The following TRABD2A variants were observed in gnomAD, a reference collection of about 807,000 sequenced individuals.
TRABD2A encodes the protein TraB domain containing 2A.
Under a neutral mutation model 45.6 loss-of-function variants are expected in TRABD2A, and 43 were observed. The ratio of observed to expected loss-of-function variants is 0.94; its 90% CI spans 0.74 to 1.22. The LOEUF is 1.22. Ranked by LOEUF, TRABD2A falls within the 50% of genes most tolerant of loss-of-function variation. TRABD2A has a pLI of 0.00. For missense variants in TRABD2A, 642 were observed against 652.4 expected, an observed-to-expected ratio of 0.98 and a Z score of 0.17; for synonymous variants, 269 against 265.0, an observed-to-expected ratio of 1.02 and a Z score of -0.15.
intron 5 of TRABD2A, among the ~76,000 whole-genome samples, chr2:84,825,876 GGTTGCA>G (rs1253620526): frequency 2.0e-5 from 3 of 152,104 alleles, no homozygotes; most frequent in African/African-American, 7.2e-5. Flanking sequence ...CAGGGATCTC[GGTTGCA>G]CACTCCTTAT....
At chr2:84,866,109 C>T (rs183821647) in intron 2 of TRABD2A, among the ~76,000 whole-genome samples, 1 of 152,320 alleles carries the variant, frequency 6.6e-6, no homozygotes, top group African/African-American at 2.4e-5. Flanking sequence ...CTACACCCCA[C>T]AAACCAAGAG....
chr2:84,864,465 C>A (rs1241063262), intron 2 of TRABD2A, among the ~76,000 whole-genome samples: 5 of 152,180 alleles, frequency 3.3e-5, no homozygotes, highest in African/African-American at 4.8e-5. Context: ...CCTTTTGAAC[C>A]TAGTGCCATC....
In TRABD2A at chr2:84,830,097, G is replaced by A. The variant is rs2105373053; in HGVS notation, c.1082+1958C>T. On this transcript the variant is annotated intron_variant, in intron 5 of 6. Coordinates refer to ENST00000409520, the MANE Select transcript of TRABD2A (RefSeq NM_001277053.2). The surrounding 1 kb of genome is among the most constrained non-coding windows in gnomAD (Gnocchi z 4.9). Reference sequence around the variant, plus strand: ...CTAAGGACAGTGCGTTGAACCCCAGGCCAGTCAGCCCAGCGGGAAGAGCTG... The same window carrying A: ...CTAAGGACAGTGCGTTGAACCCCAGACCAGTCAGCCCAGCGGGAAGAGCTG... 2.0e-5 allele frequency among the ~76,000 whole-genome samples: 3 copies of A among 152,228 alleles called. 1 individual carries two copies. Among genetic ancestry groups the A allele is most frequent in the Middle Eastern group, 3.4e-3 (1 of 294 alleles).
intron 4 of TRABD2A, among the ~76,000 whole-genome samples, chr2:84,838,481 C>T (rs113965551): frequency 2.0e-5 from 3 of 152,238 alleles, no homozygotes; most frequent in African/African-American, 7.2e-5. Flanking sequence ...TCTCTCCAAC[C>T]CCCTATCTTA....
intron 6 of TRABD2A, among the ~76,000 whole-genome samples, chr2:84,823,640 T>C (rs1195767745): frequency 6.6e-6 from 1 of 152,208 alleles, no homozygotes; most frequent in Non-Finnish European, 1.5e-5. Flanking sequence ...AAGTCTGCCA[T>C]GGAGAAAGAT....
rs770224103 is a variant in TRABD2A at position 84,821,875 on chromosome 2, C to T, written c.*42G>A. The T allele has an allele frequency of 6.7e-7, 1 of 1,499,180 alleles. No homozygotes were observed. 92.9% of individuals were successfully genotyped at this position (1,499,180 alleles called of 1,614,324 possible). ...GTGGAGTACAGGAATGGCCATTCTTCAAGTCCGAGGGGTCAGGTTCTTAGC... is the reference window on the plus strand; with the variant it reads ...GTGGAGTACAGGAATGGCCATTCTTTAAGTCCGAGGGGTCAGGTTCTTAGC... On this transcript the variant is annotated 3_prime_UTR_variant, in exon 7 of 7. Transcript: ENST00000409520.
chr2:84,863,634 CAG>C (rs1682580353), intron 2 of TRABD2A, among the ~76,000 whole-genome samples: 1 of 106,160 alleles, frequency 9.4e-6, no homozygotes, highest in Non-Finnish European at 1.8e-5. Context: ...CTTTTTGAGA[CAG>C]AGTCTCGCTC....
At chr2:84,849,016 C>G (rs1314875772) in intron 2 of TRABD2A, among the ~76,000 whole-genome samples, 1 of 152,126 alleles carries the variant, frequency 6.6e-6, no homozygotes, top group Admixed American at 6.5e-5. Flanking sequence ...TGAGGCAAAT[C>G]ACAGAAATGG....
At chr2:84,837,767 G>C (rs1407600002) in intron 4 of TRABD2A, 1 of 154,486 alleles carries the variant, frequency 6.5e-6, no homozygotes, top group Non-Finnish European at 1.4e-5. Context: ...TTCACACTCT[G>C]CTTACACAGA....
intron 2 of TRABD2A, among the ~76,000 whole-genome samples, chr2:84,857,960 C>T (rs1031761949): frequency 6.6e-6 from 1 of 152,180 alleles, no homozygotes; most frequent in African/African-American, 2.4e-5. Context: ...ATTGTAGCCT[C>T]AAACTTGTGG....
intron 1 of TRABD2A, among the ~76,000 whole-genome samples, chr2:84,877,598 G>A (rs868434929): frequency 1.3e-5 from 2 of 152,086 alleles, no homozygotes; most frequent in African/African-American, 2.4e-5. Flanking sequence ...GAGCAGGACT[G>A]TGTCTCAAAA....
At chr2:84,839,426 G>GTC (rs1383693462) in intron 3 of TRABD2A, 103 bp from the exon 4 acceptor site, 3 of 1,110,918 alleles carry the variant, frequency 2.7e-6, no homozygotes, top group Non-Finnish European at 2.5e-6. Context: ...TCAAGACGTT[G>GTC]TCAAGAGAAG....
intron 2 of TRABD2A, among the ~76,000 whole-genome samples, chr2:84,862,374 G>A (rs1196119349): frequency 6.6e-6 from 1 of 152,200 alleles, no homozygotes; most frequent in Non-Finnish European, 1.5e-5. Context: ...CACCAAGCAG[G>A]TGTCAAGGAA....
At chr2:84,855,418 C>T (rs529847111) in intron 2 of TRABD2A, among the ~76,000 whole-genome samples, 2 of 152,238 alleles carry the variant, frequency 1.3e-5, no homozygotes, top group African/African-American at 4.8e-5. Context: ...TTAGTGCTTG[C>T]CGAACATTAT....
intron 4 of TRABD2A, chr2:84,833,453 T>G (rs1181818043): frequency 6.6e-6 from 1 of 152,190 alleles, no homozygotes; most frequent in Non-Finnish European, 1.5e-5. Context: ...TGACTTCAAT[T>G]TTTCTTCTAC....
intron 1 of TRABD2A, among the ~76,000 whole-genome samples, chr2:84,878,006 G>T (rs1271268197): frequency 6.6e-6 from 1 of 152,196 alleles, no homozygotes; most frequent in Non-Finnish European, 1.5e-5. Flanking sequence ...CATAGGGGAA[G>T]GGGCAGCAAT....
intron 2 of TRABD2A, among the ~76,000 whole-genome samples, chr2:84,867,416 C>T (rs1196301436): frequency 6.6e-6 from 1 of 152,110 alleles, no homozygotes; most frequent in Non-Finnish European, 1.5e-5. Context: ...CTTACTTACA[C>T]CTTATACAAA....
At chr2:84,854,559 G>A (rs1451204999) in intron 2 of TRABD2A, among the ~76,000 whole-genome samples, 1 of 152,202 alleles carries the variant, frequency 6.6e-6, no homozygotes, top group East Asian at 1.9e-4. Context: ...TTCAAACCCA[G>A]ATCCACGGTC....
intron 2 of TRABD2A, among the ~76,000 whole-genome samples, chr2:84,852,921 G>C (rs1682145739): frequency 6.6e-6 from 1 of 152,128 alleles, no homozygotes; most frequent in Non-Finnish European, 1.5e-5. Flanking sequence ...CAGAAGACAG[G>C]TCAATCTGAA....
Sources: gnomAD v4.1 joint callset for allele counts (sites outside exome capture counted in the v4.1 genomes callset) on GRCh38, gnomAD v4.1.1 for gene constraint, Gnocchi (gnomAD v3.1) non-coding constraint, MANE v1.5 for transcripts, NCBI Gene and HGNC (gene_info 2026-07-23, HGNC 2026-07-21) for gene names.